The following ZNF570 variants were observed in gnomAD, a reference collection of about 807,000 sequenced individuals.
ZNF570 encodes the protein zinc finger protein 570.
In ZNF570, 8 loss-of-function variants were observed where a neutral mutation model predicts 14.2. The observed-to-expected ratio is 0.56, with a 90% CI of 0.33 to 1.02. The LOEUF (loss-of-function observed/expected upper bound fraction) is 1.02, where lower values mean the gene tolerates loss of function less well. Ranked by LOEUF, ZNF570 falls within the 50% of genes least tolerant of loss-of-function variation. ZNF570 has a pLI of 0.03. For synonymous variants in ZNF570, 202 were observed against 207.6 expected (o/e 0.97, Z 0.23); for missense variants, 559 against 624.9 (o/e 0.89, Z 1.12).
At position 37,469,380 on chromosome 19, in the gene ZNF570, TG is replaced by T. The variant is rs1450537385; in HGVS notation, c.-226del. 8.8e-6 allele frequency: 13 copies of T among 1,473,780 alleles called. No individual in the cohort carries two copies. Among genetic ancestry groups the T allele is most frequent in the Non-Finnish European group, 1.1e-5 (12 of 1,109,144 alleles). 91.3% of individuals were successfully genotyped at this position (1,473,780 alleles called of 1,614,324 possible). A position where few individuals can be genotyped will look rare whatever the true frequency, so the allele number is the denominator to read the frequency against. ...CGCTTCTTTCCGGGCCCGTAAGGGCTGGGTTCCATCCAACTAAGGGTAGCGG... is the reference window on the plus strand; with the variant it reads ...CGCTTCTTTCCGGGCCCGTAAGGGCTGGTTCCATCCAACTAAGGGTAGCGG... On this transcript the variant is annotated 5_prime_UTR_variant, in exon 1 of 5. Coordinates refer to ENST00000330173, the MANE Select transcript of ZNF570 (RefSeq NM_144694.5).
Position 37,484,324 on chromosome 19 carries a change from T to C in ZNF570, c.702T>C (p.Thr234=), listed in dbSNP as rs1470050141. 1.9e-6 allele frequency: 3 copies of C among 1,613,830 alleles called. No individual in the cohort carries two copies. The East Asian group carries it at 6.7e-5, about 36-fold the overall frequency. ...EKVFSQSSSL[T]LHQRIHTGEK... ...TCTTCAGCCAGAGTTCATCCCTTACTCTTCATCAAAGAATTCATACTGGAG... is the reference window on the plus strand; with the variant it reads ...TCTTCAGCCAGAGTTCATCCCTTACCCTTCATCAAAGAATTCATACTGGAG... Residue 234 remains threonine (T), a synonymous_variant, in exon 5 of 5, where the codon ACT becomes ACC. Coordinates refer to ENST00000330173, the MANE Select transcript of ZNF570 (RefSeq NM_144694.5).
intron 2 of ZNF570, among the ~76,000 whole-genome samples, chr19:37,474,524 A>G (rs1448234143): frequency 6.6e-6 from 1 of 152,092 alleles, no homozygotes; most frequent in Admixed American, 6.6e-5. Flanking sequence ...CAGTGGCCCA[A>G]TCTCAGCTCA....
At position 37,484,340 on chromosome 19, in the gene ZNF570, C is replaced by T; in HGVS notation, c.718C>T (p.His240Tyr). The part of the protein sequence containing the change: ...SSSLTLHQRI[H>Y]TGEKPYKCIE... Reference sequence around the variant, plus strand: ...ATCCCTTACTCTTCATCAAAGAATTCATACTGGAGAGAAACCCTATAAATG... The same window carrying T: ...ATCCCTTACTCTTCATCAAAGAATTTATACTGGAGAGAAACCCTATAAATG... Residue 240 changes from histidine to tyrosine, a missense_variant, in exon 5 of 5, where the codon CAT becomes TAT. Transcript: ENST00000330173. 1.2e-6 allele frequency: 2 copies of T among 1,613,906 alleles called. No individual in the cohort carries two copies. Among genetic ancestry groups the T allele is most frequent in the Non-Finnish European group, 1.7e-6 (2 of 1,179,974 alleles).
Position 37,475,918 on chromosome 19 carries a change from C to T in ZNF570, c.71C>T (p.Ser24Phe). 1.9e-6 allele frequency: 3 copies of T among 1,613,798 alleles called. No individual in the cohort carries two copies. Among genetic ancestry groups the T allele is most frequent in the Non-Finnish European group, 2.5e-6 (3 of 1,179,882 alleles). Reference protein sequence around the residue: ...VTFRDVAVDFSQEEWDCLDSS... With the variant: ...VTFRDVAVDFFQEEWDCLDSS... ...TTCAGAGATGTGGCTGTAGACTTCTCCCAAGAGGAATGGGATTGTCTGGAT... is the reference window on the plus strand; with the variant it reads ...TTCAGAGATGTGGCTGTAGACTTCTTCCAAGAGGAATGGGATTGTCTGGAT... The change falls in exon 3 of 5, where the codon TCC becomes TTC. Residue 24 changes from serine to phenylalanine, a missense_variant. Transcript: ENST00000330173.
At chr19:37,477,852 C>A (rs1038407066) in intron 4 of ZNF570, among the ~76,000 whole-genome samples, 6 of 152,156 alleles carry the variant, frequency 3.9e-5, no homozygotes, top group African/African-American at 1.4e-4. Flanking sequence ...AGTGTTCCCT[C>A]TGCCTGTTTT....
In ZNF570 at chr19:37,484,011, A is replaced by T; in HGVS notation, c.389A>T (p.Lys130Ile). 6.2e-7 allele frequency: 1 copy of T among 1,614,080 alleles called. No homozygotes were observed. Among genetic ancestry groups the T allele is most frequent in the Non-Finnish European group, 8.5e-7 (1 of 1,180,018 alleles). Reference protein sequence around the residue: ...LEYSSLREEWKCEGYFERQPG... With the variant: ...LEYSSLREEWICEGYFERQPG... ...TACTCCAGTTTGAGAGAAGAGTGGA[A>T]ATGTGAGGGCTATTTTGAAAGGCAA... The change falls in exon 5 of 5, where the codon AAA becomes ATA. Residue 130 changes from lysine (K) to isoleucine (I), a missense_variant. Coordinates refer to ENST00000330173, the MANE Select transcript of ZNF570 (RefSeq NM_144694.5).
chr19:37,469,187 A>G (rs922624685), upstream of ZNF570: 6 of 1,239,452 alleles, frequency 4.8e-6, no homozygotes, highest in African/African-American at 1.5e-5. Context: ...GTGTGGGAGG[A>G]CCTGGTGGGG....
chr19:37,469,471 CTGCAGG>C lies in ZNF570; in HGVS notation c.-136_-131del. On this transcript the variant is annotated 5_prime_UTR_variant, in exon 1 of 5. Transcript: ENST00000330173. ...AAGGAGATCTTCCACCAGTTCTGTT[CTGCAGG>C]TCGGGAGTGGGCTGAGGAGTGGCGT... The C allele has an allele frequency of 1.3e-6, 2 of 1,536,352 alleles. 1 individual carries two copies. The highest frequency in any genetic ancestry group is 4.9e-5 in the East Asian group (2 of 40,906).
intron 2 of ZNF570, among the ~76,000 whole-genome samples, chr19:37,472,683 G>T (rs112405417): frequency 6.6e-6 from 1 of 150,676 alleles, no homozygotes. Context: ...TGGAGGTTGC[G>T]GTGAGCTGAG....
rs1156525376 is a variant in ZNF570, at chr19:37,488,193, C to CT, written c.*2961dup. ...GTGAGAATGAGAAGTTGAAAGCAAT[C>CT]TAACCATTAGGTTAAATACAAGATA... On this transcript the variant is annotated 3_prime_UTR_variant, in exon 5 of 5. Transcript: ENST00000330173. 3.3e-5 allele frequency: 5 copies of CT among 152,162 alleles called. No homozygotes were observed. The highest frequency in any genetic ancestry group is 5.9e-5 in the Non-Finnish European group (4 of 68,030). 9.4% of individuals were successfully genotyped at this position (152,162 alleles called of 1,614,324 possible). A position where few individuals can be genotyped will look rare whatever the true frequency, so the allele number is the denominator to read the frequency against.
intron 4 of ZNF570, 61 bp from the exon 5 acceptor site, chr19:37,483,818 T>C: frequency 6.7e-7 from 1 of 1,484,408 alleles, no homozygotes; most frequent in East Asian, 2.3e-5. Context: ...AGATGTACTT[T>C]ATTAAATGTA....
In ZNF570 at chr19:37,473,299, A is replaced by G. The variant is rs528409540; in HGVS notation, c.34-2582A>G. Among the ~76,000 whole-genome samples the G allele has an allele frequency of 3.9e-5, 6 of 152,326 alleles. No individual in the cohort carries two copies. The South Asian group carries it at 1.2e-3, about 32-fold the overall frequency. ...TGATTTTCTCTAGCAGAGTTCAGCT[A>G]TGCAGGATACAGGCACAGAGTAAGC... On this transcript the variant is annotated intron_variant, in intron 2 of 4. Transcript: ENST00000330173.
Position 37,485,261 on chromosome 19 carries a change from T to C in ZNF570, c.*28T>C, listed in dbSNP as rs370044994. Reference sequence around the variant, plus strand: ...CCTGAGTCCTAAATGTTTCTAGAATTTATACTGTTTTTTATCTTTAATGTT... The same window carrying C: ...CCTGAGTCCTAAATGTTTCTAGAATCTATACTGTTTTTTATCTTTAATGTT... On this transcript the variant is annotated 3_prime_UTR_variant, in exon 5 of 5. Transcript: ENST00000330173. The C allele has an allele frequency of 3.3e-6, 5 of 1,511,196 alleles. No individual in the cohort carries two copies. Among genetic ancestry groups the C allele is most frequent in the Middle Eastern group, 3.6e-4 (2 of 5,580 alleles). 93.6% of individuals were successfully genotyped at this position (1,511,196 alleles called of 1,614,324 possible). A position where few individuals can be genotyped will look rare whatever the true frequency, so the allele number is the denominator to read the frequency against.
chr19:37,468,211 G>A (rs1344808158), upstream of ZNF570, among the ~76,000 whole-genome samples: 1 of 151,340 alleles, frequency 6.6e-6, no homozygotes, highest in Non-Finnish European at 1.5e-5. Flanking sequence ...TCGGCCTTCC[G>A]AGTAACTGGG....
At chr19:37,472,445 A>G (rs930725880) in intron 2 of ZNF570, among the ~76,000 whole-genome samples, 1 of 152,230 alleles carries the variant, frequency 6.6e-6, no homozygotes. Context: ...AAGTTTAGCT[A>G]TAAGAGAAGG....
rs1161490981 is a variant in ZNF570 at position 37,485,337 on chromosome 19, C to G, written c.*104C>G. The G allele has an allele frequency of 8.7e-7, 1 of 1,155,094 alleles. No homozygotes were observed. The highest frequency in any genetic ancestry group is 1.6e-5 in the African/African-American group (1 of 63,590). The allele number at this position is 1,155,094 out of a possible 1,614,324, so 71.6% of individuals were successfully genotyped here. The stretch of plus-strand genomic sequence containing the variant: ...TCTGATTACTAATATAGCTTTCAAA[C>G]AGGTTTTCCTGTATTTATTTTTGCT... On this transcript the variant is annotated 3_prime_UTR_variant, in exon 5 of 5. Transcript: ENST00000330173.
At chr19:37,469,031 A>C, upstream of ZNF570, 4 of 988,490 alleles carry the variant, frequency 4.0e-6, no homozygotes, top group Non-Finnish European at 4.8e-6. Flanking sequence ...CTGGTTGCTA[A>C]GGGAGGCGCG....
Position 37,484,437 on chromosome 19 carries a change from A to G in ZNF570, c.815A>G (p.Lys272Arg). The G allele has an allele frequency of 1.2e-6, 2 of 1,614,076 alleles. No individual in the cohort carries two copies. The highest frequency in any genetic ancestry group is 1.7e-6 in the Non-Finnish European group (2 of 1,180,002). Residue 272 changes from lysine to arginine, a missense_variant, in exon 5 of 5, where the codon AAA (lysine) becomes AGA (arginine). Physicochemically the swap from Lys to Arg is conservative, Grantham distance 26. Transcript: ENST00000330173. The stretch of plus-strand genomic sequence containing the variant: ...CATCAGAGGATTCATACTGGAGAAA[A>G]ACCCTATGAATGTAAGGAATGTAGG... ...VQHQRIHTGE[K>R]PYECKECRKA...
At chr19:37,476,550 A>G (rs964243665) in intron 4 of ZNF570, 116 bp downstream of exon 4, 13 of 1,364,416 alleles carry the variant, frequency 9.5e-6, no homozygotes, top group Admixed American at 9.3e-5. Context: ...CTAGGTTTTC[A>G]TAAAAATTTG....
Sources: allele counts gnomAD v4.1 joint callset (sites outside exome capture counted in the v4.1 genomes callset), GRCh38; gene constraint gnomAD v4.1.1; transcripts MANE v1.5; gene names NCBI Gene and HGNC (gene_info 2026-07-23, HGNC 2026-07-21).